DTNA: variants seen among roughly 807,000 people sequenced by gnomAD.
The protein encoded by DTNA is dystrobrevin alpha.
Under a neutral mutation model 100.7 loss-of-function variants are expected in DTNA, and 43 were observed. That is an observed-to-expected ratio of 0.43 (90% CI 0.33 to 0.55). The LOEUF (loss-of-function observed/expected upper bound fraction) is 0.55. DTNA is among the 20% of genes least tolerant of loss of function. The pLI is 0.04. For synonymous variants in DTNA, 349 were observed against 347.9 expected, an observed-to-expected ratio of 1.00 and a Z score of -0.04; for missense variants, 798 against 953.9, an observed-to-expected ratio of 0.84 and a Z score of 2.15.
intron 1 of DTNA, among the ~76,000 whole-genome samples, chr18:34,693,603 A>G (rs2080086830): frequency 6.6e-6 from 1 of 152,212 alleles, no homozygotes; most frequent in South Asian, 2.1e-4. Context: ...TTTTAAATAT[A>G]ATAAATAGAA....
At chr18:34,636,128 A>C (rs1263753388) in intron 1 of DTNA, among the ~76,000 whole-genome samples, 12 of 152,192 alleles carry the variant, frequency 7.9e-5, no homozygotes, top group African/African-American at 2.9e-4. Flanking sequence ...AAAGACATAT[A>C]TTTGAGGGTG....
At chr18:34,591,014 A>T (rs2049664282) in intron 1 of DTNA, among the ~76,000 whole-genome samples, 1 of 152,238 alleles carries the variant, frequency 6.6e-6, no homozygotes, top group South Asian at 2.1e-4. Flanking sequence ...TATCTGACTG[A>T]TGAATGTTGC....
intron 1 of DTNA, among the ~76,000 whole-genome samples, chr18:34,679,908 T>C (rs760433265): frequency 2.6e-5 from 4 of 152,152 alleles, no homozygotes; most frequent in Non-Finnish European, 5.9e-5. Context: ...AATGCCATAA[T>C]ACTTCATTCT....
At chr18:34,832,419 A>G (rs1295968848) in intron 11 of DTNA, among the ~76,000 whole-genome samples, 2 of 152,162 alleles carry the variant, frequency 1.3e-5, no homozygotes, top group African/African-American at 2.4e-5. Context: ...ACTATGCATC[A>G]TTAAAACCAC....
intron 1 of DTNA, among the ~76,000 whole-genome samples, chr18:34,668,543 G>C (rs2076274867): frequency 6.6e-6 from 1 of 151,876 alleles, no homozygotes; most frequent in African/African-American, 2.4e-5. Flanking sequence ...GATCTTTCCT[G>C]CTTTCTCTTG....
intron 4 of DTNA, among the ~76,000 whole-genome samples, chr18:34,803,495 A>G (rs536124197): frequency 2.6e-4 from 39 of 152,238 alleles, no homozygotes; most frequent in Middle Eastern, 6.8e-3. Flanking sequence ...TTGGTGGTCA[A>G]TCCTCTCCTT....
intron 3 of DTNA, among the ~76,000 whole-genome samples, chr18:34,787,528 A>C (rs1234745531): frequency 6.6e-6 from 1 of 152,210 alleles, no homozygotes; most frequent in Non-Finnish European, 1.5e-5. Context: ...TCTAACTTAT[A>C]TGATTCTACT....
chr18:34,544,054 A>G (rs2044516608), intron 1 of DTNA, among the ~76,000 whole-genome samples: 2 of 152,114 alleles, frequency 1.3e-5, no homozygotes, highest in Middle Eastern at 3.2e-3. Flanking sequence ...GTGTTAGTAC[A>G]GGAAAATATT....
chr18:34,535,062 C>T (rs545390974), intron 1 of DTNA, among the ~76,000 whole-genome samples: 3 of 152,248 alleles, frequency 2.0e-5, no homozygotes, highest in South Asian at 4.1e-4. Flanking sequence ...CTTGAGGAAT[C>T]GCCACAGTGT....
At chr18:34,879,144 T>G (rs1159767821) in intron 19 of DTNA, among the ~76,000 whole-genome samples, 1 of 152,244 alleles carries the variant, frequency 6.6e-6, no homozygotes, top group Non-Finnish European at 1.5e-5. Flanking sequence ...ACTTAATATT[T>G]TAAGTTCATA....
At chr18:34,538,662 T>A (rs1330599356) in intron 1 of DTNA, among the ~76,000 whole-genome samples, 1 of 152,000 alleles carries the variant, frequency 6.6e-6, no homozygotes, top group African/African-American at 2.4e-5. Context: ...GGTAATCCGT[T>A]AAAAATAAGT....
At chr18:34,867,201 A>T (rs1311411173) in intron 17 of DTNA, 2 of 1,231,180 alleles carry the variant, frequency 1.6e-6, no homozygotes, top group South Asian at 8.2e-5. Context: ...TCTATTATTC[A>T]TTATGTGTGT....
intron 1 of DTNA, among the ~76,000 whole-genome samples, chr18:34,634,654 T>A (rs2058461305): frequency 6.6e-6 from 1 of 152,130 alleles, no homozygotes; most frequent in African/African-American, 2.4e-5. Flanking sequence ...ATTGTGGATA[T>A]TCTTTTATAT....
At chr18:34,745,937 C>G (rs543480756) in intron 1 of DTNA, among the ~76,000 whole-genome samples, 20 of 152,146 alleles carry the variant, frequency 1.3e-4, no homozygotes, top group Non-Finnish European at 2.5e-4. Context: ...CAGCATCACA[C>G]CACTTAGCCA....
rs561322587 is a variant in DTNA at position 34,750,888 on chromosome 18, T to G, written c.-1-5088T>G. 3.3e-5 allele frequency among the ~76,000 whole-genome samples: 5 copies of G among 152,370 alleles called. No individual in the cohort carries two copies. In the East Asian group the frequency reaches 5.8e-4, roughly 18 times the overall value. Reference sequence around the variant, plus strand: ...AACTTGAGGATGTGACATTTCAATGTGAATTCATTTCACTATGCCAAAATA... The same window carrying G: ...AACTTGAGGATGTGACATTTCAATGGGAATTCATTTCACTATGCCAAAATA... On this transcript the variant is annotated intron_variant, in intron 1 of 22. Coordinates refer to ENST00000444659, the MANE Select transcript of DTNA (RefSeq NM_001386795.1).
chr18:34,738,305 G>A (rs17556920), intron 1 of DTNA, among the ~76,000 whole-genome samples: 7,764 of 152,184 alleles, frequency 0.051, 313 homozygotes, highest in Non-Finnish European at 0.08. Context: ...GACACAACAC[G>A]CATGTCTACT....
chr18:34,817,887 A>G, intron 7 of DTNA: 1 of 1,181,526 alleles, frequency 8.5e-7, no homozygotes, highest in Non-Finnish European at 1.1e-6. Context: ...TTGTAATGTG[A>G]GAGATGGGAA....
chr18:34,775,521 C>G (rs886497022), intron 3 of DTNA, among the ~76,000 whole-genome samples: 1 of 152,094 alleles, frequency 6.6e-6, no homozygotes. Context: ...AAAATAAAAG[C>G]AGAGAGTTTT....
intron 1 of DTNA, among the ~76,000 whole-genome samples, chr18:34,564,735 A>T (rs1039654390): frequency 2.0e-5 from 3 of 152,150 alleles, no homozygotes; most frequent in African/African-American, 7.2e-5. Context: ...TGGCTATTTT[A>T]TTTGCAAATA....
Sources: allele counts gnomAD v4.1 joint callset (sites outside exome capture counted in the v4.1 genomes callset), GRCh38; gene constraint gnomAD v4.1.1; transcripts MANE v1.5; gene names NCBI Gene and HGNC (gene_info 2026-07-23, HGNC 2026-07-21).